The following MINDY4 variants were observed in gnomAD, a reference collection of about 807,000 sequenced individuals.
The protein encoded by MINDY4 is probable ubiquitin carboxyl-terminal hydrolase MINDY-4.
Under a neutral mutation model 87.0 loss-of-function variants are expected in MINDY4, and 68 were observed. That is an observed-to-expected ratio of 0.78 (90% CI 0.64 to 0.96). The LOEUF is 0.96. MINDY4 is among the 40% of genes least tolerant of loss of function. The pLI is 0.00. For missense variants in MINDY4, 919 were observed against 928.2 expected (o/e 0.99, Z 0.13); for synonymous variants, 379 against 363.2 (o/e 1.04, Z -0.50).
chr7:30,880,300 G>A (rs980285390), intron 15 of MINDY4, among the ~76,000 whole-genome samples: 4 of 50,704 alleles, frequency 7.9e-5, no homozygotes, highest in Admixed American at 1.7e-4. Context: ...GCCCTCCCCC[G>A]CACCCCCCCC....
At chr7:30,833,809 A>T (rs1788778390) in intron 6 of MINDY4, among the ~76,000 whole-genome samples, 1 of 152,248 alleles carries the variant, frequency 6.6e-6, no homozygotes, top group African/African-American at 2.4e-5. Flanking sequence ...TGGCCAAAAC[A>T]AAGGGGCCCA....
intron 9 of MINDY4, among the ~76,000 whole-genome samples, chr7:30,846,237 G>A (rs1457108188): frequency 1.3e-5 from 2 of 152,176 alleles, no homozygotes; most frequent in African/African-American, 4.8e-5. Flanking sequence ...GAGCAGACAG[G>A]GAGCTCCCCC....
intron 14 of MINDY4, 106 bp from the exon 15 acceptor site, chr7:30,875,389 T>C: frequency 3.1e-6 from 4 of 1,275,974 alleles, no homozygotes; most frequent in Non-Finnish European, 4.5e-6. Flanking sequence ...TCTCCCTCCT[T>C]GCTTTCCTTC....
chr7:30,800,992 C>T (rs1292065051), intron 5 of MINDY4, among the ~76,000 whole-genome samples: 1 of 138,474 alleles, frequency 7.2e-6, no homozygotes, highest in Non-Finnish European at 1.6e-5. Context: ...CCCTACCAGA[C>T]CTTTCTTAAG....
chr7:30,829,280 C>G (rs1451435196), intron 6 of MINDY4, among the ~76,000 whole-genome samples: 1 of 147,058 alleles, frequency 6.8e-6, no homozygotes, highest in Non-Finnish European at 1.5e-5. Flanking sequence ...AGTTTTGAAG[C>G]AAACTTTTTT....
At position 30,786,822 on chromosome 7, in the gene MINDY4, A is replaced by G. The variant is rs535047900; in HGVS notation, c.663+830A>G. On this transcript the variant is annotated intron_variant, in intron 4 of 17. Coordinates refer to ENST00000265299, the MANE Select transcript of MINDY4 (RefSeq NM_032222.3). ...TCTCTTACAGGGTGACCATGGTAGA[A>G]TTCCATTAGGCAGAGAGACAAAACA... Among the ~76,000 whole-genome samples, 22 of 152,280 alleles carry G rather than the reference A, an allele frequency of 1.4e-4. No individual in the cohort carries two copies. In the South Asian group the frequency reaches 3.3e-3, roughly 23 times the overall value.
At chr7:30,832,273 G>A (rs1045119746) in intron 6 of MINDY4, among the ~76,000 whole-genome samples, 1 of 152,172 alleles carries the variant, frequency 6.6e-6, no homozygotes. Context: ...CTCTAAATAG[G>A]CTTAAATACT....
chr7:30,862,518 G>A (rs1789796731), intron 13 of MINDY4, among the ~76,000 whole-genome samples: 1 of 152,250 alleles, frequency 6.6e-6, no homozygotes, highest in Non-Finnish European at 1.5e-5. Context: ...ACCAGGCTCT[G>A]CTGAAGGTTT....
chr7:30,840,055 C>T (rs554332399), intron 8 of MINDY4, among the ~76,000 whole-genome samples: 4 of 152,264 alleles, frequency 2.6e-5, no homozygotes. Flanking sequence ...TGTGGCCAAA[C>T]TCAGCTGGTC....
chr7:30,793,415 G>T (rs1230203657), intron 5 of MINDY4, among the ~76,000 whole-genome samples: 1 of 126,182 alleles, frequency 7.9e-6, no homozygotes, highest in African/African-American at 3.2e-5. Context: ...AATGTCTTTG[G>T]TTTGCTTTTT....
chr7:30,880,508 C>T (rs1790430742), intron 15 of MINDY4, among the ~76,000 whole-genome samples: 2 of 152,118 alleles, frequency 1.3e-5, no homozygotes, highest in Admixed American at 6.6e-5. Context: ...TTTGTCTCTC[C>T]GTTGGAAAAT....
intron 15 of MINDY4, among the ~76,000 whole-genome samples, chr7:30,877,300 C>T (rs776492662): frequency 2.6e-5 from 4 of 152,112 alleles, no homozygotes; most frequent in African/African-American, 4.8e-5. Flanking sequence ...GGGTCGAGGG[C>T]GTTGGTCAGA....
intron 12 of MINDY4, 125 bp downstream of exon 12, chr7:30,853,584 G>T: frequency 1.2e-6 from 1 of 863,028 alleles, no homozygotes; most frequent in Non-Finnish European, 1.9e-6. Flanking sequence ...AGGAAGCTGG[G>T]AAGGAGTAAT....
chr7:30,780,506 A>G (rs1786975614), intron 2 of MINDY4: 1 of 152,212 alleles, frequency 6.6e-6, no homozygotes, highest in Admixed American at 6.5e-5. Flanking sequence ...TTTATACAGC[A>G]GTTATTAGCT....
intron 5 of MINDY4, among the ~76,000 whole-genome samples, chr7:30,798,336 A>G (rs1262254211): frequency 6.6e-6 from 1 of 152,100 alleles, no homozygotes; most frequent in Non-Finnish European, 1.5e-5. Flanking sequence ...TATGGATTGG[A>G]TGTGCTGTGT....
chr7:30,881,563 A>G, intron 15 of MINDY4, among the ~76,000 whole-genome samples: 1 of 152,102 alleles, frequency 6.6e-6, no homozygotes, highest in Admixed American at 6.5e-5. Context: ...GAGGAATTTC[A>G]TTCACCCGAC....
chr7:30,774,258 T>G (rs1280763919), intron 1 of MINDY4, among the ~76,000 whole-genome samples: 2 of 152,256 alleles, frequency 1.3e-5, no homozygotes, highest in Non-Finnish European at 2.9e-5. Flanking sequence ...AGGCTCCCAC[T>G]ACCACACTTA....
At chr7:30,798,579 C>G (rs1787559004) in intron 5 of MINDY4, among the ~76,000 whole-genome samples, 1 of 152,088 alleles carries the variant, frequency 6.6e-6, no homozygotes, top group Admixed American at 6.5e-5. Flanking sequence ...TCACTGCAAG[C>G]TCCGCCTCCC....
At position 30,828,732 on chromosome 7, in the gene MINDY4, G is replaced by A. The variant is rs1444646630; in HGVS notation, c.1127G>A (p.Arg376Gln). ...GTGGATGGTGAGCTGGGTGCCCTGC[G>A]GCTCGGTAGGTGCAGCGGGTGCCTC... Reference protein sequence around the residue: ...DKVDGELGALRLEDVEDELIR... With the variant: ...DKVDGELGALQLEDVEDELIR... The change falls in exon 6 of 18, where the codon CGG (arginine) becomes CAG (glutamine). Residue 376 changes from arginine (R) to glutamine (Q), a missense_variant. By Grantham distance (43) the Arg-to-Gln change is conservative (BLOSUM62 1). Transcript: ENST00000265299. 8.7e-6 allele frequency: 14 copies of A among 1,612,678 alleles called. No individual in the cohort carries two copies. The highest frequency in any genetic ancestry group is 1.1e-5 in the Non-Finnish European group (13 of 1,180,006).
Sources: allele counts gnomAD v4.1 joint callset (sites outside exome capture counted in the v4.1 genomes callset), GRCh38; gene constraint gnomAD v4.1.1; transcripts MANE v1.5; gene names NCBI Gene and HGNC (gene_info 2026-07-23, HGNC 2026-07-21).